Variants in FBN2 observed in about 807,000 individuals in gnomAD.
FBN2 encodes the protein fibrillin-2.
A neutral mutation model predicts 355.6 loss-of-function variants in FBN2; 105 were observed. That is an observed-to-expected ratio of 0.30 (90% CI 0.25 to 0.35). FBN2 has a LOEUF of 0.35. Among genes scored for constraint, FBN2 ranks in the 10% least tolerant of loss-of-function variants. The pLI is 1.00. For missense variants in FBN2, 3,280 were observed against 3,758.7 expected, an observed-to-expected ratio of 0.87 and a Z score of 3.33; for synonymous variants, 1,350 against 1,301.2, an observed-to-expected ratio of 1.04 and a Z score of -0.81.
At position 128,328,811 on chromosome 5, in the gene FBN2, CTCA is replaced by C; in HGVS notation, c.4353_4355del (p.Asp1451del). Reference sequence around the variant, plus strand: ...CACAGAGGTTTATGTTTTCTGCACACTCATCAACATCTGTGCAAAAAAGCAAAT... The same window carrying C: ...CACAGAGGTTTATGTTTTCTGCACACTCAACATCTGTGCAAAAAAGCAAAT... On this transcript the variant is annotated inframe_deletion, in exon 34 of 65. Transcript: ENST00000262464. 1 of 1,614,144 alleles carries C rather than the reference CTCA, an allele frequency of 6.2e-7. No homozygotes were observed. Among genetic ancestry groups the C allele is most frequent in the Non-Finnish European group, 8.5e-7 (1 of 1,180,006 alleles).
chr5:128,363,377 G>C (rs990061569), intron 18 of FBN2, among the ~76,000 whole-genome samples: 3 of 151,752 alleles, frequency 2.0e-5, no homozygotes, highest in Admixed American at 6.6e-5. Context: ...TTTTAGTAGA[G>C]GGGGGTTTCA....
At chr5:128,287,469 GTT>G in intron 53 of FBN2, 39 bp from the exon 54 acceptor site, 1 of 1,611,480 alleles carries the variant, frequency 6.2e-7, no homozygotes, top group South Asian at 1.1e-5. Context: ...TCAGCCTAGA[GTT>G]CTAATTATTT....
At position 128,301,323 on chromosome 5, in the gene FBN2, C is replaced by G. The variant is rs545537278; in HGVS notation, c.6046+59G>C. The G allele has an allele frequency of 2.3e-5, 32 of 1,391,888 alleles. No homozygotes were observed. The East Asian group carries it at 6.9e-4, about 30-fold the overall frequency. The allele number at this position is 1,391,888 out of a possible 1,614,324, so 86.2% of individuals were successfully genotyped here. A position where few individuals can be genotyped will look rare whatever the true frequency, so the allele number is the denominator to read the frequency against. Reference sequence around the variant, plus strand: ...GTTCTTAAGTGAAAGGAGGGAGGCACATATCATCATTTTACAAAACATAAC... The same window carrying G: ...GTTCTTAAGTGAAAGGAGGGAGGCAGATATCATCATTTTACAAAACATAAC... On this transcript the variant is annotated intron_variant, in intron 47 of 64. Coordinates refer to ENST00000262464, the MANE Select transcript of FBN2 (RefSeq NM_001999.4).
At chr5:128,385,633 T>C (rs757510957) in intron 11 of FBN2, among the ~76,000 whole-genome samples, 3 of 152,178 alleles carry the variant, frequency 2.0e-5, no homozygotes, top group Admixed American at 6.5e-5. Context: ...TCCAAACTGC[T>C]TTCCACAGTG....
chr5:128,398,318 T>C (rs564259609), intron 8 of FBN2, among the ~76,000 whole-genome samples: 1 of 151,748 alleles, frequency 6.6e-6, no homozygotes, highest in East Asian at 1.9e-4. Flanking sequence ...AGTATATTTT[T>C]GATATTGAAA....
chr5:128,328,721 T>C lies in FBN2; in HGVS notation c.4446A>G (p.Pro1482=). The part of the protein sequence containing the change: ...YRCECEMGFT[P]ASDSRSCQDI... ...CTTGGCAGGATCTGCTGTCTGAGGC[T>C]GGAGTGAAGCCCATCTCACACTCGC... is the stretch of plus-strand genomic sequence containing the variant. The change falls in exon 34 of 65, where the codon CCA becomes CCG. Residue 1482 remains proline (P), a synonymous_variant. Coordinates refer to ENST00000262464, the MANE Select transcript of FBN2 (RefSeq NM_001999.4). 6.2e-7 allele frequency: 1 copy of C among 1,614,172 alleles called. No individual in the cohort carries two copies. Among genetic ancestry groups the C allele is most frequent in the Non-Finnish European group, 8.5e-7 (1 of 1,180,038 alleles).
At chr5:128,310,187 G>T in intron 39 of FBN2, 79 bp from the exon 40 acceptor site, 3 of 1,237,166 alleles carry the variant, frequency 2.4e-6, no homozygotes, top group Non-Finnish European at 2.3e-6. Flanking sequence ...ACTGAACAAA[G>T]CATAGGTGAT....
At position 128,415,128 on chromosome 5, in the gene FBN2, C is replaced by T. The variant is rs531829484; in HGVS notation, c.953-6329G>A. 4.5e-4 allele frequency among the ~76,000 whole-genome samples: 68 copies of T among 152,194 alleles called. 2 individuals carry two copies. In the South Asian group the frequency reaches 8.9e-3, roughly 20 times the overall value. On this transcript the variant is annotated intron_variant, in intron 7 of 64. Transcript: ENST00000262464. ...ATGGGACACATGGCATTTAGTTACA[C>T]GCACAGAATGTGTAATGATCAAGTC...
At chr5:128,524,317 C>T (rs986212970) in intron 4 of FBN2, among the ~76,000 whole-genome samples, 4 of 152,124 alleles carry the variant, frequency 2.6e-5, no homozygotes, top group Non-Finnish European at 5.9e-5. Flanking sequence ...AACTGCTAAT[C>T]CTGACCCAGA....
At chr5:128,307,992 C>T (rs3792867) in intron 41 of FBN2, among the ~76,000 whole-genome samples, 1 of 152,042 alleles carries the variant, frequency 6.6e-6, no homozygotes, top group East Asian at 1.9e-4. Flanking sequence ...ACCACAGATG[C>T]TCAACTTAAT....
At chr5:128,438,715 C>A (rs773081692) in intron 7 of FBN2, among the ~76,000 whole-genome samples, 1 of 152,082 alleles carries the variant, frequency 6.6e-6, no homozygotes, top group Admixed American at 6.6e-5. Context: ...GAGTTCTGGA[C>A]GGAAATTCAC....
chr5:128,537,620 G>C lies in FBN2; in HGVS notation c.-17C>G, dbSNP rs372089451. ...TCTCCCCATCGCCGGCGCCGAAAGC[G>C]CGCGGCCGTAGACCCGCGGAGAGGG... On this transcript the variant is annotated 5_prime_UTR_variant, in exon 1 of 65. Coordinates refer to ENST00000262464, the MANE Select transcript of FBN2 (RefSeq NM_001999.4). The C allele has an allele frequency of 3.3e-4, 537 of 1,604,938 alleles. 1 individual carries two copies. The African/African-American group carries it at 6.6e-3, about 20-fold the overall frequency.
At chr5:128,285,881 G>T (rs1749133592) in intron 55 of FBN2, among the ~76,000 whole-genome samples, 1 of 152,126 alleles carries the variant, frequency 6.6e-6, no homozygotes. Flanking sequence ...AAGTATTTTA[G>T]CCAATCTGAT....
At chr5:128,393,819 C>T (rs538046493) in intron 9 of FBN2, among the ~76,000 whole-genome samples, 1 of 152,076 alleles carries the variant, frequency 6.6e-6, no homozygotes, top group Admixed American at 6.5e-5. Context: ...TAATATTGCT[C>T]CAGAATGATA....
intron 55 of FBN2, among the ~76,000 whole-genome samples, chr5:128,284,555 T>G (rs1749084006): frequency 6.6e-6 from 1 of 152,236 alleles, no homozygotes; most frequent in Admixed American, 6.5e-5. Context: ...AAAAATAGTG[T>G]AGCTGGTCAC....
intron 7 of FBN2, among the ~76,000 whole-genome samples, chr5:128,422,416 A>G (rs187032854): frequency 5.3e-5 from 8 of 152,326 alleles, no homozygotes; most frequent in Admixed American, 2.0e-4. Context: ...GAAAATTTAC[A>G]GTGAAGAAAG....
In FBN2 at chr5:128,326,573, AG is replaced by A. The variant is rs780788234; in HGVS notation, c.4471+2122del. On this transcript the variant is annotated intron_variant, in intron 34 of 64. Transcript: ENST00000262464. The stretch of plus-strand genomic sequence containing the variant: ...ATGCTTAGTGGAAAATATTCATCGG[AG>A]GATCATGTATTTATAATAAGATGGG... Among the ~76,000 whole-genome samples the A allele has an allele frequency of 4.6e-5, 7 of 152,330 alleles. No individual in the cohort carries two copies. In the South Asian group the frequency reaches 1.4e-3, roughly 32 times the overall value.
intron 5 of FBN2, among the ~76,000 whole-genome samples, chr5:128,511,094 T>C (rs1233421971): frequency 6.6e-6 from 1 of 152,246 alleles, no homozygotes; most frequent in South Asian, 2.1e-4. Flanking sequence ...CTCCAAATTA[T>C]ATAATTTCCA....
chr5:128,536,752 A>G (rs1756857931), intron 1 of FBN2, among the ~76,000 whole-genome samples: 1 of 152,168 alleles, frequency 6.6e-6, no homozygotes, highest in African/African-American at 2.4e-5. Flanking sequence ...GCATGGAAAC[A>G]TATAATTTGC....
Sources: allele counts gnomAD v4.1 joint callset (sites outside exome capture counted in the v4.1 genomes callset), GRCh38; gene constraint gnomAD v4.1.1; transcripts MANE v1.5; gene names NCBI Gene and HGNC (gene_info 2026-07-23, HGNC 2026-07-21).